GRIA2: variants seen among roughly 807,000 people sequenced by gnomAD.
GRIA2 encodes glutamate receptor 2.
In GRIA2, 14 loss-of-function variants were observed where a neutral mutation model predicts 97.3. The observed-to-expected ratio is 0.14, with a 90% confidence interval of 0.10 to 0.23. GRIA2 has a LOEUF of 0.23. Among genes scored for constraint, GRIA2 ranks in the 10% least tolerant of loss-of-function variants. The pLI, the probability that GRIA2 is intolerant of heterozygous loss-of-function variation, is 1.00. For missense variants in GRIA2, 558 were observed against 1,069.8 expected (o/e 0.52, Z 6.67); for synonymous variants, 412 against 387.8 (o/e 1.06, Z -0.73).
At chr4:157,235,532 T>C (rs1730204803) in intron 2 of GRIA2, among the ~76,000 whole-genome samples, 3 of 151,976 alleles carry the variant, frequency 2.0e-5, no homozygotes, top group Admixed American at 2.0e-4. Context: ...TTCAAAAAAT[T>C]GTAAAGAAAA....
intron 2 of GRIA2, among the ~76,000 whole-genome samples, chr4:157,274,734 A>G (rs565857907): frequency 4.4e-4 from 67 of 151,644 alleles, no homozygotes; most frequent in Non-Finnish European, 8.5e-4. Context: ...TCCACGGTTT[A>G]TATGTGCCAC....
chr4:157,290,500 GCTT>G (rs1733045850), intron 2 of GRIA2, among the ~76,000 whole-genome samples: 1 of 132,618 alleles, frequency 7.5e-6, no homozygotes, highest in South Asian at 2.3e-4. Flanking sequence ...TTACATCACT[GCTT>G]TTTTTTTTTT....
intron 2 of GRIA2, among the ~76,000 whole-genome samples, chr4:157,239,459 C>T (rs1278555630): frequency 6.6e-6 from 1 of 151,936 alleles, no homozygotes; most frequent in Non-Finnish European, 1.5e-5. Context: ...AAGAACTTGC[C>T]TCTGCCAATT....
At chr4:157,350,677 C>T (rs1020192502) in intron 12 of GRIA2, among the ~76,000 whole-genome samples, 1 of 151,768 alleles carries the variant, frequency 6.6e-6, no homozygotes, top group Non-Finnish European at 1.5e-5. Flanking sequence ...ATATATCCTC[C>T]CTGGCCTTTA....
At chr4:157,349,051 C>A (rs112320779) in intron 12 of GRIA2, among the ~76,000 whole-genome samples, 1,668 of 152,294 alleles carry the variant, frequency 0.011, 18 homozygotes, top group Non-Finnish European at 0.017. Flanking sequence ...TTTTATAAGG[C>A]AGACAGTGAC....
intron 2 of GRIA2, among the ~76,000 whole-genome samples, chr4:157,277,884 A>G (rs532464134): frequency 6.9e-6 from 1 of 144,052 alleles, no homozygotes; most frequent in South Asian, 2.2e-4. Flanking sequence ...ATATATATGT[A>G]TATATGTATA....
chr4:157,247,446 G>C (rs1730781761), intron 2 of GRIA2, among the ~76,000 whole-genome samples: 1 of 152,108 alleles, frequency 6.6e-6, no homozygotes, highest in Admixed American at 6.6e-5. Flanking sequence ...TTGGTAAGGT[G>C]CCCAGAAATG....
chr4:157,222,657 C>T (rs1479506946), intron 2 of GRIA2, among the ~76,000 whole-genome samples: 1 of 152,208 alleles, frequency 6.6e-6, no homozygotes, highest in African/African-American at 2.4e-5. Flanking sequence ...GACTGGGAAG[C>T]CGTGGGATCT....
chr4:157,244,969 C>T lies in GRIA2; in HGVS notation c.229+23162C>T, dbSNP rs376481322. ...TTTAATTTGCTCATCTTCTGATTGT[C>T]CTAATTGCCTTGCCCAGTTTTTTCA... is the stretch of plus-strand genomic sequence containing the variant. On this transcript the variant is annotated intron_variant, in intron 2 of 15. Transcript: ENST00000264426. Among the ~76,000 whole-genome samples, 317 of 151,924 alleles carry T rather than the reference C, an allele frequency of 2.1e-3. 13 individuals are homozygous for T. The South Asian group carries it at 0.064, about 31-fold the overall frequency.
chr4:157,346,478 TG>T (rs1254496614), intron 12 of GRIA2, among the ~76,000 whole-genome samples: 4 of 152,278 alleles, frequency 2.6e-5, no homozygotes, highest in African/African-American at 9.6e-5. Flanking sequence ...TGTATGTCTA[TG>T]ATACATATGT....
chr4:157,241,280 T>C (rs1435244394), intron 2 of GRIA2, among the ~76,000 whole-genome samples: 3 of 152,152 alleles, frequency 2.0e-5, no homozygotes, highest in Non-Finnish European at 4.4e-5. Context: ...CAGATGTTGT[T>C]TGAGACGCCT....
At chr4:157,339,595 C>T (rs1735459180) in intron 11 of GRIA2, among the ~76,000 whole-genome samples, 1 of 152,006 alleles carries the variant, frequency 6.6e-6, no homozygotes, top group African/African-American at 2.4e-5. Context: ...TAGAGGACAA[C>T]TTACATCTAA....
chr4:157,260,811 C>A (rs2126767196), intron 2 of GRIA2, among the ~76,000 whole-genome samples: 1 of 151,926 alleles, frequency 6.6e-6, no homozygotes, highest in Non-Finnish European at 1.5e-5. Context: ...TTCATTTCCT[C>A]CCCCTCCTCC....
At position 157,284,621 on chromosome 4, in the gene GRIA2, G is replaced by C. The variant is rs1383064231; in HGVS notation, c.230-18931G>C. Among the ~76,000 whole-genome samples, 5 of 151,670 alleles carry C rather than the reference G, an allele frequency of 3.3e-5. No homozygotes were observed. In the East Asian group the frequency reaches 9.7e-4, roughly 30 times the overall value. ...GTAACTCATATCTCATATTTGATGT[G>C]TATCTTTTCTACAAATTCCACTGTA... On this transcript the variant is annotated intron_variant, in intron 2 of 15. Coordinates refer to ENST00000264426, the MANE Select transcript of GRIA2 (RefSeq NM_001083619.3).
rs993312404 is a variant in GRIA2, at chr4:157,365,951, A to G, written c.*2520A>G. 9 of 151,500 alleles carry G rather than the reference A, an allele frequency of 5.9e-5. No individual in the cohort carries two copies. The highest frequency in any genetic ancestry group is 1.9e-4 in the African/African-American group (8 of 41,346). The allele number at this position is 151,500 out of a possible 1,614,324, so 9.4% of individuals were successfully genotyped here. On this transcript the variant is annotated 3_prime_UTR_variant, in exon 16 of 16. Transcript: ENST00000264426. ...TCTATTGAAGATATTGGAATTTCCAATTTTTCATGTGTACTATGTCAGAAA... is the reference window on the plus strand; with the variant it reads ...TCTATTGAAGATATTGGAATTTCCAGTTTTTCATGTGTACTATGTCAGAAA...
At chr4:157,332,671 T>A (rs1735108796) in intron 6 of GRIA2, 148 bp from the exon 7 acceptor site, 1 of 579,884 alleles carries the variant, frequency 1.7e-6, no homozygotes, top group Admixed American at 2.9e-5. Flanking sequence ...TCTCTTCGAT[T>A]CTTAGGTTTC....
chr4:157,312,704 G>A lies in GRIA2; in HGVS notation c.495G>A (p.Leu165=). ...DRGLSTLQAV[L]DSAAEKKWQV... is the part of the protein sequence containing the mutation. ...GCTTATCAACACTGCAAGCTGTGCT[G>A]GATTCTGCTGCTGAAAAGAAATGGC... The change falls in exon 4 of 16, where the codon CTG becomes CTA. Residue 165 remains leucine (L), a synonymous_variant. Transcript: ENST00000264426. 1 of 1,608,512 alleles carries A rather than the reference G, an allele frequency of 6.2e-7. No homozygotes were observed. The highest frequency in any genetic ancestry group is 8.5e-7 in the Non-Finnish European group (1 of 1,176,638).
At chr4:157,302,765 A>C (rs766212974) in intron 2 of GRIA2, among the ~76,000 whole-genome samples, 1 of 152,192 alleles carries the variant, frequency 6.6e-6, no homozygotes, top group Admixed American at 6.5e-5. Context: ...TAACTTAGTT[A>C]TGGACTGACT....
At chr4:157,330,498 T>C (rs1356814328) in intron 6 of GRIA2, among the ~76,000 whole-genome samples, 1 of 152,000 alleles carries the variant, frequency 6.6e-6, no homozygotes, top group Admixed American at 6.6e-5. Flanking sequence ...ATTTATCCTC[T>C]TTTATGTTCA....
Sources: gnomAD v4.1 joint callset for allele counts (sites outside exome capture counted in the v4.1 genomes callset) on GRCh38, gnomAD v4.1.1 for gene constraint, MANE v1.5 for transcripts, NCBI Gene and HGNC (gene_info 2026-07-23, HGNC 2026-07-21) for gene names.